The following LNPEP variants were observed in gnomAD, a reference collection of about 807,000 sequenced individuals.
LNPEP encodes the protein leucyl and cystinyl aminopeptidase.
A neutral mutation model predicts 120.6 loss-of-function variants in LNPEP; 64 were observed. That is an observed-to-expected ratio of 0.53 (90% confidence interval 0.43 to 0.65). The LOEUF (loss-of-function observed/expected upper bound fraction) is 0.65. Among genes scored for constraint, LNPEP ranks in the 30% least tolerant of loss-of-function variants. The pLI, the probability that LNPEP is intolerant of heterozygous loss-of-function variation, is 0.00. For synonymous variants in LNPEP, 435 were observed against 425.4 expected, an observed-to-expected ratio of 1.02 and a Z score of -0.28; for missense variants, 1,057 against 1,200.0, an observed-to-expected ratio of 0.88 and a Z score of 1.76.
At chr5:96,942,936 G>A (rs1789095576) in intron 1 of LNPEP, 1 of 156,426 alleles carries the variant, frequency 6.4e-6, no homozygotes, top group African/African-American at 2.4e-5. Context: ...CTTGGAGAAG[G>A]TGTGTGCCGA....
chr5:97,003,440 A>C lies in LNPEP; in HGVS notation c.1679A>C (p.Lys560Thr). ...GGATCTTCTCTCTTGTTGATGTTGA[A>C]AACTTACCTTAGTGAAGATGTGTTT... ...FKGSSLLLMLKTYLSEDVFQH... is the reference protein window; with the variant it reads ...FKGSSLLLMLTTYLSEDVFQH... The change falls in exon 9 of 18, where the codon AAA becomes ACA. Residue 560 changes from lysine (K) to threonine (T), a missense_variant. Physicochemically the swap from Lys to Thr is moderately conservative, Grantham distance 78. Transcript: ENST00000231368. The C allele has an allele frequency of 6.3e-7, 1 of 1,584,184 alleles. No homozygotes were observed. The highest frequency in any genetic ancestry group is 1.7e-5 in the Admixed American group (1 of 57,804).
intron 14 of LNPEP, among the ~76,000 whole-genome samples, chr5:97,023,887 G>A (rs1660792565): frequency 6.6e-6 from 1 of 152,048 alleles, no homozygotes; most frequent in Non-Finnish European, 1.5e-5. Flanking sequence ...GTTTTTGATA[G>A]CAGCCATCCT....
intron 1 of LNPEP, among the ~76,000 whole-genome samples, chr5:96,972,630 C>T (rs1311789261): frequency 2.0e-5 from 3 of 152,074 alleles, no homozygotes; most frequent in Non-Finnish European, 2.9e-5. Context: ...CCCAGAGAAC[C>T]AGAGTGATTG....
intron 1 of LNPEP, among the ~76,000 whole-genome samples, chr5:96,963,307 G>A (rs1789649560): frequency 6.6e-6 from 1 of 152,164 alleles, no homozygotes; most frequent in Non-Finnish European, 1.5e-5. Context: ...AATGGCTTAA[G>A]GCAACAACCA....
At chr5:97,002,815 C>T (rs1790686813) in intron 8 of LNPEP, among the ~76,000 whole-genome samples, 3 of 152,198 alleles carry the variant, frequency 2.0e-5, no homozygotes, top group Admixed American at 2.0e-4. Flanking sequence ...TGATGACAAG[C>T]ACATCAATGG....
chr5:96,956,831 C>CT (rs1789480183), intron 1 of LNPEP, among the ~76,000 whole-genome samples: 3 of 152,090 alleles, frequency 2.0e-5, no homozygotes, highest in African/African-American at 7.2e-5. Context: ...TTTCCTCAAT[C>CT]TTTCTTTTCT....
intron 8 of LNPEP, among the ~76,000 whole-genome samples, chr5:97,001,121 C>T (rs1438086578): frequency 1.3e-5 from 2 of 152,286 alleles, no homozygotes; most frequent in African/African-American, 4.8e-5. Context: ...TGTAAAAGAT[C>T]ACTCTAGTCT....
chr5:96,993,775 A>C, intron 5 of LNPEP, 42 bp from the exon 6 acceptor site: 1 of 1,591,192 alleles, frequency 6.3e-7, no homozygotes, highest in Middle Eastern at 1.7e-4. Flanking sequence ...GAAAATGCCT[A>C]AGATGAGGGA....
intron 6 of LNPEP, among the ~76,000 whole-genome samples, chr5:96,995,047 G>T (rs1790479154): frequency 6.6e-6 from 1 of 152,150 alleles, no homozygotes; most frequent in African/African-American, 2.4e-5. Context: ...GGCAGATGTT[G>T]CAGTGAGCCG....
intron 10 of LNPEP, 42 bp from the exon 11 acceptor site, chr5:97,006,385 A>T: frequency 4.3e-6 from 6 of 1,380,980 alleles, no homozygotes; most frequent in Non-Finnish European, 6.0e-6. Flanking sequence ...AAAAAAAAAA[A>T]AAATCATATG....
At chr5:96,989,934 T>C in intron 4 of LNPEP, among the ~76,000 whole-genome samples, 1 of 152,180 alleles carries the variant, frequency 6.6e-6, no homozygotes, top group South Asian at 2.1e-4. Flanking sequence ...GTGAACTTTT[T>C]CTCCTGGCTT....
At chr5:97,027,880 A>G (rs2112676898) in intron 17 of LNPEP, 66 bp downstream of exon 17, 2 of 900,966 alleles carry the variant, frequency 2.2e-6, no homozygotes, top group Non-Finnish European at 3.7e-6. Context: ...CAGGCTGCTC[A>G]GTTTTAGTGA....
intron 1 of LNPEP, among the ~76,000 whole-genome samples, chr5:96,974,630 A>G (rs1339195604): frequency 2.0e-5 from 3 of 152,206 alleles, no homozygotes; most frequent in South Asian, 2.1e-4. Context: ...ATAAACTACT[A>G]CATACCTTCA....
chr5:96,970,976 A>G (rs1789847096), intron 1 of LNPEP, among the ~76,000 whole-genome samples: 1 of 152,076 alleles, frequency 6.6e-6, no homozygotes, highest in African/African-American at 2.4e-5. Flanking sequence ...TGAAGATCTG[A>G]GTTTCCGTCT....
At chr5:97,014,402 G>A (rs1160537035) in intron 12 of LNPEP, among the ~76,000 whole-genome samples, 26 of 152,060 alleles carry the variant, frequency 1.7e-4, no homozygotes, top group South Asian at 2.1e-4. Context: ...ATTTTGTCTC[G>A]TTTTTTATGA....
Position 96,996,528 on chromosome 5 carries a change from A to G in LNPEP, c.1521+25A>G, listed in dbSNP as rs17592325. ...TGTAAGTACAGGGTTTCTTTGGCCT[A>G]CTATGAATGCTAGGAGGAAAAATAG... On this transcript the variant is annotated intron_variant, in intron 7 of 17. Transcript: ENST00000231368. 8.4e-4 allele frequency: 951 copies of G among 1,136,818 alleles called. 7 individuals carry two copies. In the East Asian group the frequency reaches 0.02, roughly 24 times the overall value. 70.4% of individuals were successfully genotyped at this position (1,136,818 alleles called of 1,614,324 possible).
chr5:97,000,838 C>T (rs1379967747), intron 8 of LNPEP, among the ~76,000 whole-genome samples: 1 of 152,060 alleles, frequency 6.6e-6, no homozygotes. Context: ...CATCATCAAA[C>T]CTGGAACTGG....
chr5:97,029,798 A>G lies in LNPEP; in HGVS notation c.*1265A>G, dbSNP rs1380909761. ...GTGGTCAAAGAAGGAAAGAAGAAAAATGAGGGAGGATGTCCGAAACTGTAT... is the reference window on the plus strand; with the variant it reads ...GTGGTCAAAGAAGGAAAGAAGAAAAGTGAGGGAGGATGTCCGAAACTGTAT... On this transcript the variant is annotated 3_prime_UTR_variant, in exon 18 of 18. Coordinates refer to ENST00000231368, the MANE Select transcript of LNPEP (RefSeq NM_005575.3). 6.6e-6 allele frequency: 1 copy of G among 152,190 alleles called. No homozygotes were observed. Among genetic ancestry groups the G allele is most frequent in the Non-Finnish European group, 1.5e-5 (1 of 68,028 alleles). 9.4% of individuals were successfully genotyped at this position (152,190 alleles called of 1,614,324 possible).
intron 3 of LNPEP, 149 bp from the exon 4 acceptor site, chr5:96,986,390 A>G: frequency 1.4e-6 from 1 of 708,542 alleles, no homozygotes; most frequent in Non-Finnish European, 2.3e-6. Context: ...ACTAGGAGCC[A>G]TGCTCTTTGC....
Sources: gnomAD v4.1 joint callset for allele counts (sites outside exome capture counted in the v4.1 genomes callset) on GRCh38, gnomAD v4.1.1 for gene constraint, MANE v1.5 for transcripts, NCBI Gene and HGNC (gene_info 2026-07-23, HGNC 2026-07-21) for gene names.